DNAJC16: variants seen among roughly 807,000 people sequenced by gnomAD.
DNAJC16 encodes the protein DnaJ heat shock protein family (Hsp40) member C16.
Under a neutral mutation model 92.7 loss-of-function variants are expected in DNAJC16, and 76 were observed. The ratio of observed to expected loss-of-function variants is 0.82; its 90% CI spans 0.68 to 0.99. The LOEUF (loss-of-function observed/expected upper bound fraction) is 0.99, where lower values mean the gene tolerates loss of function less well. DNAJC16 is among the 50% of genes least tolerant of loss of function. DNAJC16 has a pLI of 0.00. For missense variants in DNAJC16, 869 were observed against 942.4 expected (o/e 0.92, Z 1.02); for synonymous variants, 328 against 358.7 (o/e 0.91, Z 0.97).
At chr1:15,549,837 A>G (rs1004464996) in intron 7 of DNAJC16, among the ~76,000 whole-genome samples, 60 of 151,848 alleles carry the variant, frequency 4.0e-4, no homozygotes, top group African/African-American at 1.4e-3. Context: ...AAAAAAAAAA[A>G]AGATGTTTTG....
Position 15,529,232 on chromosome 1 carries a change from G to C in DNAJC16, c.127G>C (p.Ala43Pro). Reference protein sequence around the residue: ...VLGVSRTASQADIKKAYKKLA... With the variant: ...VLGVSRTASQPDIKKAYKKLA... The stretch of plus-strand genomic sequence containing the variant: ...AGGGGTCAGCCGAACAGCCAGTCAG[G>C]CTGATATTAAAAAGGCTTATAAGAA... The change falls in exon 2 of 15, where the codon GCT becomes CCT. Residue 43 changes from alanine to proline, a missense_variant. By Grantham distance (27) the Ala-to-Pro change is conservative. Coordinates refer to ENST00000375847, the MANE Select transcript of DNAJC16 (RefSeq NM_015291.4). 6.2e-7 allele frequency: 1 copy of C among 1,613,092 alleles called. No individual in the cohort carries two copies.
chr1:15,555,469 G>C (rs1638547720), intron 7 of DNAJC16, among the ~76,000 whole-genome samples: 1 of 151,690 alleles, frequency 6.6e-6, no homozygotes, highest in Non-Finnish European at 1.5e-5. Context: ...TGGATCACCA[G>C]GTCAGGAGTT....
chr1:15,554,915 T>C (rs766652655), intron 7 of DNAJC16, among the ~76,000 whole-genome samples: 11 of 152,126 alleles, frequency 7.2e-5, no homozygotes, highest in Non-Finnish European at 1.2e-4. Flanking sequence ...ATGATATATC[T>C]GTTTCATTTG....
Position 15,568,593 on chromosome 1 carries a change from C to T in DNAJC16, c.*416C>T. 7.4e-6 allele frequency: 3 copies of T among 407,830 alleles called. No homozygotes were observed. The highest frequency in any genetic ancestry group is 1.3e-5 in the Non-Finnish European group (3 of 231,272). The allele number at this position is 407,830 out of a possible 1,614,324, so 25.3% of individuals were successfully genotyped here. ...CAGGTCATTGGCCCCTTCCCCAATC[C>T]CGGCCCTGCTGTGCTGCTGCCATGG... On this transcript the variant is annotated 3_prime_UTR_variant, in exon 15 of 15. Transcript: ENST00000375847.
chr1:15,561,669 G>A (rs1459402108), intron 8 of DNAJC16, among the ~76,000 whole-genome samples: 1 of 151,970 alleles, frequency 6.6e-6, no homozygotes, highest in African/African-American at 2.4e-5. Context: ...CTGGGCGACA[G>A]AGCAAGACTC....
At chr1:15,531,483 C>T (rs1038952044) in intron 2 of DNAJC16, among the ~76,000 whole-genome samples, 2 of 152,144 alleles carry the variant, frequency 1.3e-5, no homozygotes, top group South Asian at 4.1e-4. Flanking sequence ...ATGTTTAAAG[C>T]AGGATATATA....
rs1245184116 is a variant in DNAJC16 at position 15,529,197 on chromosome 1, A to G, written c.92A>G (p.Tyr31Cys). ...CTGTCTGCGTTGGATTTTGACCCAT[A>G]CAGAGTCCTAGGGGTCAGCCGAACA... ...QILSALDFDP[Y>C]RVLGVSRTAS... The change falls in exon 2 of 15, where the codon TAC (tyrosine) becomes TGC (cysteine). Residue 31 changes from tyrosine (Y) to cysteine (C), a missense_variant. Physicochemically the swap from Tyr to Cys is radical, Grantham distance 194. Coordinates refer to ENST00000375847, the MANE Select transcript of DNAJC16 (RefSeq NM_015291.4). The G allele has an allele frequency of 5.6e-6, 9 of 1,614,108 alleles. No homozygotes were observed. The highest frequency in any genetic ancestry group is 7.6e-6 in the Non-Finnish European group (9 of 1,179,976).
chr1:15,531,272 G>C (rs770968838), intron 2 of DNAJC16, among the ~76,000 whole-genome samples: 9 of 152,110 alleles, frequency 5.9e-5, no homozygotes, highest in Non-Finnish European at 1.0e-4. Context: ...TCAGTGAACA[G>C]GTATATTTTA....
intron 2 of DNAJC16, among the ~76,000 whole-genome samples, chr1:15,530,845 A>G (rs1450335381): frequency 1.3e-5 from 2 of 152,068 alleles, no homozygotes; most frequent in Non-Finnish European, 2.9e-5. Flanking sequence ...GCACCACCAC[A>G]CCCAGCTAAT....
chr1:15,534,063 T>C (rs1710722462), intron 2 of DNAJC16, among the ~76,000 whole-genome samples, 174 bp from the exon 3 acceptor site: 1 of 152,220 alleles, frequency 6.6e-6, no homozygotes, highest in African/African-American at 2.4e-5. Flanking sequence ...TTTCAAAGTT[T>C]CATTTATTAT....
intron 9 of DNAJC16, among the ~76,000 whole-genome samples, chr1:15,562,824 A>C (rs72645825): frequency 0.047 from 7,081 of 151,424 alleles, 285 homozygotes; most frequent in African/African-American, 0.11. Context: ...GTCTTTTTAC[A>C]TTCTGGATGT....
chr1:15,547,722 A>G (rs1251424456), intron 6 of DNAJC16, among the ~76,000 whole-genome samples: 2 of 152,164 alleles, frequency 1.3e-5, no homozygotes, highest in African/African-American at 4.8e-5. Context: ...GATTAAAGGC[A>G]TGAGCCACCA....
At chr1:15,561,976 T>A (rs1638701847) in intron 8 of DNAJC16, among the ~76,000 whole-genome samples, 166 bp from the exon 9 acceptor site, 2 of 152,200 alleles carry the variant, frequency 1.3e-5, no homozygotes, top group Admixed American at 1.3e-4. Context: ...AACAGTTTGT[T>A]AATGACTTGG....
chr1:15,530,255 GAA>G (rs79346002), intron 2 of DNAJC16, among the ~76,000 whole-genome samples: 2 of 109,252 alleles, frequency 1.8e-5, no homozygotes, highest in African/African-American at 3.5e-5. Context: ...CATCACTATG[GAA>G]AAAAAAAAAA....
intron 5 of DNAJC16, among the ~76,000 whole-genome samples, chr1:15,544,789 G>T (rs1194778169): frequency 1.3e-5 from 2 of 152,134 alleles, no homozygotes; most frequent in African/African-American, 4.8e-5. Context: ...ATGAAGTACA[G>T]AGACTGAAAG....
In DNAJC16 at chr1:15,568,404, T is replaced by C; in HGVS notation, c.*227T>C. The C allele has an allele frequency of 1.8e-6, 1 of 546,070 alleles. No individual in the cohort carries two copies. The allele number at this position is 546,070 out of a possible 1,614,324, so 33.8% of individuals were successfully genotyped here. ...AATCTTTTCCTCTGGGTGTTATTTT[T>C]CCCCACTGAATGCCACACCATTGAA... On this transcript the variant is annotated 3_prime_UTR_variant, in exon 15 of 15. Coordinates refer to ENST00000375847, the MANE Select transcript of DNAJC16 (RefSeq NM_015291.4).
At chr1:15,527,883 G>GA (rs377666346) in intron 1 of DNAJC16, among the ~76,000 whole-genome samples, 3 of 151,708 alleles carry the variant, frequency 2.0e-5, no homozygotes, top group Admixed American at 6.6e-5. Context: ...TGTGTTCCTT[G>GA]AAAAAAAACA....
At chr1:15,542,389 G>A (rs978733672) in intron 4 of DNAJC16, 7 of 152,364 alleles carry the variant, frequency 4.6e-5, no homozygotes, top group African/African-American at 1.7e-4. Context: ...ACACATGGAG[G>A]TGCCTGGAGG....
In DNAJC16 at chr1:15,536,534, C is replaced by G. The variant is rs748748508; in HGVS notation, c.294C>G (p.Asn98Lys). Residue 98 changes from asparagine (N) to lysine (K), a missense_variant, in exon 4 of 15, where the codon AAC becomes AAG. Transcript: ENST00000375847. ...NYDQYGDAGENQGYQKQQQQR... is the reference protein window; with the variant it reads ...NYDQYGDAGEKQGYQKQQQQR... ...ATCAATATGGAGACGCTGGAGAGAA[C>G]CAGGGCTACCAGAAGCAGCAACAGC... 3.1e-6 allele frequency: 5 copies of G among 1,613,924 alleles called. No homozygotes were observed. Among genetic ancestry groups the G allele is most frequent in the Non-Finnish European group, 4.2e-6 (5 of 1,180,014 alleles).
Sources: gnomAD v4.1 joint callset for allele counts (sites outside exome capture counted in the v4.1 genomes callset) on GRCh38, gnomAD v4.1.1 for gene constraint, MANE v1.5 for transcripts, NCBI Gene and HGNC (gene_info 2026-07-23, HGNC 2026-07-21) for gene names.